Variants in AGAP1 observed in about 807,000 individuals in gnomAD.
AGAP1 encodes the protein arf-GAP with GTPase, ANK repeat and PH domain-containing protein 1.
AGAP1 carries 29 observed loss-of-function variants against 105.3 expected under a neutral mutation model. That is an observed-to-expected ratio of 0.28 (90% confidence interval 0.21 to 0.38). The LOEUF (loss-of-function observed/expected upper bound fraction) is 0.38, where lower values mean the gene tolerates loss of function less well. Among genes scored for constraint, AGAP1 ranks in the 10% least tolerant of loss-of-function variants. The pLI, the probability that AGAP1 is intolerant of heterozygous loss-of-function variation, is 1.00. For synonymous variants in AGAP1, 509 were observed against 485.9 expected, an observed-to-expected ratio of 1.05 and a Z score of -0.63; for missense variants, 998 against 1,165.1, an observed-to-expected ratio of 0.86 and a Z score of 2.09.
intron 1 of AGAP1, chr2:235,507,190 A>T (rs948948912): frequency 6.6e-6 from 1 of 152,658 alleles, no homozygotes; most frequent in Non-Finnish European, 1.5e-5. Context: ...ACAGTTGCCG[A>T]GTGTCCTGCG....
rs2058023052 is a variant in AGAP1, at chr2:236,055,352, T to A, written c.2114+6071T>A. On this transcript the variant is annotated intron_variant, in intron 16 of 17. Transcript: ENST00000304032. This position sits in a 1 kb window ranked among gnomAD's most constrained non-coding sequence, Gnocchi z 6.2. ...TGGCTTTATGTGCCTTGTTTTCATG[T>A]GTTTCTTTCAGTGCTCTCAGGGAGA... 6.6e-6 allele frequency among the ~76,000 whole-genome samples: 1 copy of A among 152,224 alleles called. No homozygotes were observed.
At chr2:235,738,905 A>C (rs943806655) in intron 3 of AGAP1, among the ~76,000 whole-genome samples, 1 of 152,160 alleles carries the variant, frequency 6.6e-6, no homozygotes, top group Non-Finnish European at 1.5e-5. Flanking sequence ...CACATCACCA[A>C]GATACAGCAG....
intron 1 of AGAP1, among the ~76,000 whole-genome samples, chr2:235,606,991 A>ATTGTT (rs1945962904): frequency 1.3e-5 from 2 of 151,320 alleles, no homozygotes; most frequent in Admixed American, 1.3e-4. Context: ...TTAAATTATA[A>ATTGTT]TTGTTTACGA....
At position 235,705,120 on chromosome 2, in the gene AGAP1, A is replaced by G. The variant is rs1276863184; in HGVS notation, c.164-4059A>G. ...CAGCCTCCCGAGCAGCTGGGATTAC[A>G]ATCATGTGCCACCACGCCTGGCTAA... On this transcript the variant is annotated intron_variant, in intron 1 of 17. Coordinates refer to ENST00000304032, the MANE Select transcript of AGAP1 (RefSeq NM_001037131.3). This position sits in a 1 kb window ranked among gnomAD's most constrained non-coding sequence, Gnocchi z 4.9. Among the ~76,000 whole-genome samples the G allele has an allele frequency of 1.3e-5, 2 of 151,834 alleles. No homozygotes were observed. The highest frequency in any genetic ancestry group is 2.9e-5 in the Non-Finnish European group (2 of 67,986).
Position 236,090,727 on chromosome 2 carries a change from G to C in AGAP1, c.2115-29465G>C, listed in dbSNP as rs1047937560. The stretch of plus-strand genomic sequence containing the variant: ...TCTTTTGTTGGTGGTGGTTGTGTTT[G>C]TTTTGTTTTTTGTTTTGTTTTGTTT... On this transcript the variant is annotated intron_variant, in intron 16 of 17. Coordinates refer to ENST00000304032, the MANE Select transcript of AGAP1 (RefSeq NM_001037131.3). This position sits in a 1 kb window ranked among gnomAD's most constrained non-coding sequence, Gnocchi z 4.3. Among the ~76,000 whole-genome samples, 3 of 149,554 alleles carry C rather than the reference G, an allele frequency of 2.0e-5. No individual in the cohort carries two copies. In the East Asian group the frequency reaches 5.9e-4, roughly 29 times the overall value.
intron 1 of AGAP1, among the ~76,000 whole-genome samples, chr2:235,706,838 G>C (rs1278651240): frequency 6.6e-6 from 1 of 152,158 alleles, no homozygotes; most frequent in African/African-American, 2.4e-5. Context: ...TGGACCATTA[G>C]GGTCACTTTG....
Position 236,053,799 on chromosome 2 carries a change from G to A in AGAP1, c.2114+4518G>A, listed in dbSNP as rs949086212. On this transcript the variant is annotated intron_variant, in intron 16 of 17. Coordinates refer to ENST00000304032, the MANE Select transcript of AGAP1 (RefSeq NM_001037131.3). The surrounding 1 kb of genome is among the most constrained non-coding windows in gnomAD (Gnocchi z 4.6). ...AGTGGAGAATAGTGTTTTCAATTCC[G>A]TGAAAGAGCTCTTGAGAGGCGCTTT... 2.6e-5 allele frequency among the ~76,000 whole-genome samples: 4 copies of A among 152,252 alleles called. No homozygotes were observed. The highest frequency in any genetic ancestry group is 1.9e-4 in the East Asian group (1 of 5,192).
chr2:235,968,391 G>A, intron 12 of AGAP1, 71 bp from the exon 13 acceptor site: 3 of 1,525,052 alleles, frequency 2.0e-6, no homozygotes, highest in Admixed American at 4.5e-5. Context: ...TGCTGTTTCT[G>A]CGCATTCTGC....
At chr2:235,980,595 G>A (rs1195948460) in intron 13 of AGAP1, among the ~76,000 whole-genome samples, 1 of 152,180 alleles carries the variant, frequency 6.6e-6, no homozygotes, top group Non-Finnish European at 1.5e-5. Flanking sequence ...CAGGTTCCCG[G>A]ATTGATCCGG....
rs184009814 is a variant in AGAP1, at chr2:235,954,535, C to T, written c.1484-13927C>T. ...CTTTTGGCGGAAGTGACTTGCATCT[C>T]GTATGTTACGGTTCTGTGTTGAGGT... is the stretch of plus-strand genomic sequence containing the variant. On this transcript the variant is annotated intron_variant, in intron 12 of 17. Transcript: ENST00000304032. Among the ~76,000 whole-genome samples the T allele has an allele frequency of 3.6e-4, 53 of 149,256 alleles. 1 individual carries two copies. The highest frequency in any genetic ancestry group is 1.2e-3 in the African/African-American group (49 of 40,382).
At chr2:235,538,687 T>TA (rs1943332452) in intron 1 of AGAP1, among the ~76,000 whole-genome samples, 1 of 152,126 alleles carries the variant, frequency 6.6e-6, no homozygotes, top group Non-Finnish European at 1.5e-5. Context: ...ACTCATCTTG[T>TA]AGAGCCTCCC....
intron 1 of AGAP1, among the ~76,000 whole-genome samples, chr2:235,548,401 T>C (rs1330749031): frequency 6.6e-6 from 1 of 152,208 alleles, no homozygotes; most frequent in African/African-American, 2.4e-5. Flanking sequence ...GGCTCACACC[T>C]GTAATCCCAG....
At chr2:235,498,485 C>T (rs1484992830) in intron 1 of AGAP1, among the ~76,000 whole-genome samples, 1 of 152,230 alleles carries the variant, frequency 6.6e-6, no homozygotes, top group Non-Finnish European at 1.5e-5. Flanking sequence ...GCCTGAGAGC[C>T]ATCTCGCCTC....
rs1477432346 is a variant in AGAP1 at position 235,788,794 on chromosome 2, A to G, written c.674-8965A>G. Among the ~76,000 whole-genome samples the G allele has an allele frequency of 6.6e-6, 1 of 152,202 alleles. No individual in the cohort carries two copies. The highest frequency in any genetic ancestry group is 2.4e-5 in the African/African-American group (1 of 41,450). On this transcript the variant is annotated intron_variant, in intron 6 of 17. Transcript: ENST00000304032. This position sits in a 1 kb window ranked among gnomAD's most constrained non-coding sequence, Gnocchi z 6.0. ...ATGGAGCCCTCAGAAGCGCGCATTC[A>G]GACCGGCAGTAGACAAAACCAGCTG...
At chr2:235,674,173 A>G (rs1948597252) in intron 1 of AGAP1, among the ~76,000 whole-genome samples, 1 of 152,196 alleles carries the variant, frequency 6.6e-6, no homozygotes, top group East Asian at 1.9e-4. Flanking sequence ...AATGCAGAAC[A>G]GTTGCCTCGG....
In AGAP1 at chr2:236,083,538, C is replaced by T. The variant is rs990929421; in HGVS notation, c.2114+34257C>T. ...CCAGCAGTTACCAGCTTAACTAAGA[C>T]ATTGTCACTGGAATTCCGTATAAAT... On this transcript the variant is annotated intron_variant, in intron 16 of 17. Coordinates refer to ENST00000304032, the MANE Select transcript of AGAP1 (RefSeq NM_001037131.3). This position sits in a 1 kb window ranked among gnomAD's most constrained non-coding sequence, Gnocchi z 5.3. Among the ~76,000 whole-genome samples the T allele has an allele frequency of 4.6e-5, 7 of 152,178 alleles. No individual in the cohort carries two copies. The highest frequency in any genetic ancestry group is 1.7e-4 in the African/African-American group (7 of 41,454).
rs1455979245 is a variant in AGAP1 at position 235,578,937 on chromosome 2, A to G, written c.163+84088A>G. ...CTGTCAGTCACACAGACGGATATAG[A>G]TATGTAATTTGAATTACTTCTGTTT... On this transcript the variant is annotated intron_variant, in intron 1 of 17. Coordinates refer to ENST00000304032, the MANE Select transcript of AGAP1 (RefSeq NM_001037131.3). The surrounding 1 kb of genome is among the most constrained non-coding windows in gnomAD (Gnocchi z 4.9). Among the ~76,000 whole-genome samples the G allele has an allele frequency of 6.6e-6, 1 of 152,120 alleles. No homozygotes were observed. The highest frequency in any genetic ancestry group is 1.5e-5 in the Non-Finnish European group (1 of 68,034).
chr2:235,908,945 C>A lies in AGAP1; in HGVS notation c.1324+39C>A. 1 of 1,584,752 alleles carries A rather than the reference C, an allele frequency of 6.3e-7. No individual in the cohort carries two copies. Among genetic ancestry groups the A allele is most frequent in the Non-Finnish European group, 8.6e-7 (1 of 1,157,222 alleles). On this transcript the variant is annotated intron_variant, in intron 11 of 17. Transcript: ENST00000304032. The surrounding 1 kb of genome is among the most constrained non-coding windows in gnomAD (Gnocchi z 4.4). ...AAATGCACTAACAAATCAAGTTCAA[C>A]AGCAACAGGTGGTCCAGGCTCGAGG...
rs562922768 is a variant in AGAP1 at position 235,751,447 on chromosome 2, C to T, written c.673+959C>T. 6.6e-6 allele frequency among the ~76,000 whole-genome samples: 1 copy of T among 152,118 alleles called. No homozygotes were observed. The highest frequency in any genetic ancestry group is 6.5e-5 in the Admixed American group (1 of 15,284). On this transcript the variant is annotated intron_variant, in intron 6 of 17. Coordinates refer to ENST00000304032, the MANE Select transcript of AGAP1 (RefSeq NM_001037131.3). This position sits in a 1 kb window ranked among gnomAD's most constrained non-coding sequence, Gnocchi z 5.3. ...AGCAGGGCAGCCACACTCGGGCTCT[C>T]CAGAGAGTGCTGGAGCCGCTTCAAG...
Sources: allele counts gnomAD v4.1 joint callset (sites outside exome capture counted in the v4.1 genomes callset), GRCh38; gene constraint gnomAD v4.1.1; non-coding constraint Gnocchi (gnomAD v3.1); transcripts MANE v1.5; gene names NCBI Gene and HGNC (gene_info 2026-07-23, HGNC 2026-07-21).